The following ARL15 variants were observed in gnomAD, a reference collection of about 807,000 sequenced individuals.
ARL15 encodes the protein ARF like GTPase 15, also known as ADP-ribosylation factor-like protein 15.
In ARL15, 19 loss-of-function variants were observed where a neutral mutation model predicts 25.2. The observed-to-expected ratio is 0.75, with a 90% CI of 0.53 to 1.10. The LOEUF is 1.10. Among genes scored for constraint, ARL15 ranks in the 50% least tolerant of loss-of-function variants. ARL15 has a pLI of 0.00. For missense variants in ARL15, 220 were observed against 246.0 expected (o/e 0.89, Z 0.71); for synonymous variants, 94 against 86.8 (o/e 1.08, Z -0.46).
intron 1 of ARL15, among the ~76,000 whole-genome samples, chr5:54,296,614 C>G (rs1392535645): frequency 1.3e-5 from 2 of 152,248 alleles, no homozygotes; most frequent in Non-Finnish European, 2.9e-5. Flanking sequence ...TGTCCTATAA[C>G]ACAGACAGGA....
At chr5:53,998,608 A>G (rs1252173432) in intron 4 of ARL15, among the ~76,000 whole-genome samples, 1 of 152,234 alleles carries the variant, frequency 6.6e-6, no homozygotes, top group Non-Finnish European at 1.5e-5. Flanking sequence ...GAGATGCAAA[A>G]GAATAAAAGT....
chr5:53,979,829 T>TTGTGTGTGTGTGTGTGTGTGTG (rs70986653), intron 4 of ARL15, among the ~76,000 whole-genome samples: 1 of 143,070 alleles, frequency 7.0e-6, no homozygotes, highest in Non-Finnish European at 1.5e-5. Flanking sequence ...TTAAAGTCTT[T>TTGTGTGTGTGTGTGTGTGTGTG]TGTGTGTGTG....
chr5:54,232,338 A>G (rs1319330809), intron 1 of ARL15, among the ~76,000 whole-genome samples: 3 of 152,186 alleles, frequency 2.0e-5, no homozygotes, highest in Non-Finnish European at 4.4e-5. Context: ...CTATTAATAC[A>G]TAGTGCTCTT....
In ARL15 at chr5:53,902,703, G is replaced by A. The variant is rs182496384; in HGVS notation, c.463-15990C>T. On this transcript the variant is annotated intron_variant, in intron 4 of 4. Coordinates refer to ENST00000504924, the MANE Select transcript of ARL15 (RefSeq NM_019087.3). The stretch of plus-strand genomic sequence containing the variant: ...GAGACAGACAAATATGGCAAGCCAC[G>A]CGTTACTCAGTCACCAATGGAGGGT... 2.2e-3 allele frequency among the ~76,000 whole-genome samples: 333 copies of A among 152,278 alleles called. 2 individuals are homozygous for A. The highest frequency in any genetic ancestry group is 7.7e-3 in the African/African-American group (318 of 41,548).
At chr5:54,174,203 C>T (rs1335383261) in intron 1 of ARL15, among the ~76,000 whole-genome samples, 1 of 152,002 alleles carries the variant, frequency 6.6e-6, no homozygotes, top group Non-Finnish European at 1.5e-5. Flanking sequence ...GAAGAATGAA[C>T]GACACTTAAA....
chr5:54,287,533 G>A (rs74865118), intron 1 of ARL15, among the ~76,000 whole-genome samples: 2 of 151,324 alleles, frequency 1.3e-5, no homozygotes, highest in Middle Eastern at 3.2e-3. Flanking sequence ...CCCATAATGC[G>A]CAAGCATCTG....
chr5:53,889,893 A>G (rs933108463), intron 4 of ARL15, among the ~76,000 whole-genome samples: 3 of 150,570 alleles, frequency 2.0e-5, no homozygotes, highest in African/African-American at 7.3e-5. Context: ...GCTCACTGCA[A>G]CCTCTGCCTC....
intron 4 of ARL15, among the ~76,000 whole-genome samples, chr5:54,097,321 AC>A (rs1285414964): frequency 1.3e-5 from 2 of 151,992 alleles, no homozygotes; most frequent in African/African-American, 4.8e-5. Flanking sequence ...ATCTCAAAAA[AC>A]AAACAAACAA....
chr5:54,072,815 GACTTT>G (rs1329481693), intron 4 of ARL15, among the ~76,000 whole-genome samples: 1 of 152,066 alleles, frequency 6.6e-6, no homozygotes, highest in Non-Finnish European at 1.5e-5. Flanking sequence ...CTTGGTTAGA[GACTTT>G]ACTTTGTTTT....
intron 3 of ARL15, among the ~76,000 whole-genome samples, chr5:54,137,582 A>T (rs1753642045): frequency 6.6e-6 from 1 of 152,208 alleles, no homozygotes; most frequent in African/African-American, 2.4e-5. Context: ...ACACCATGAT[A>T]CAATATATAA....
At chr5:54,144,129 T>G (rs932690000) in intron 3 of ARL15, among the ~76,000 whole-genome samples, 1 of 152,070 alleles carries the variant, frequency 6.6e-6, no homozygotes, top group Non-Finnish European at 1.5e-5. Context: ...TTTATTTTTG[T>G]TTATAATATT....
At chr5:54,000,938 G>A (rs1300226877) in intron 4 of ARL15, among the ~76,000 whole-genome samples, 1 of 152,154 alleles carries the variant, frequency 6.6e-6, no homozygotes, top group Non-Finnish European at 1.5e-5. Flanking sequence ...AAGGGGCCCA[G>A]GCTCAGAAGG....
chr5:53,903,580 C>T (rs1263858570), intron 4 of ARL15, among the ~76,000 whole-genome samples: 1 of 152,184 alleles, frequency 6.6e-6, no homozygotes, highest in East Asian at 1.9e-4. Flanking sequence ...AGGCAAAAGT[C>T]AGAGAACAAA....
intron 2 of ARL15, among the ~76,000 whole-genome samples, chr5:54,162,259 C>G (rs1773534768): frequency 6.6e-6 from 1 of 152,092 alleles, no homozygotes. Context: ...ACACACAGGT[C>G]CAAACACCAA....
intron 4 of ARL15, among the ~76,000 whole-genome samples, chr5:54,041,372 CACA>C (rs1307052980): frequency 6.6e-6 from 1 of 152,286 alleles, no homozygotes; most frequent in African/African-American, 2.4e-5. Flanking sequence ...ACTACATCTG[CACA>C]ACAACTAGGT....
Position 54,280,048 on chromosome 5 carries a change from A to C in ARL15, c.48+30384T>G, listed in dbSNP as rs766961610. Among the ~76,000 whole-genome samples the C allele has an allele frequency of 2.6e-4, 40 of 152,068 alleles. 1 individual carries two copies. The highest frequency in any genetic ancestry group is 1.2e-3 in the Admixed American group (18 of 15,260). ...CACTGCTGTTGTTGCCCAGTGCGAA[A>C]CTCCAGCAACAGGCAACTTTGCTTA... On this transcript the variant is annotated intron_variant, in intron 1 of 4. Transcript: ENST00000504924.
At chr5:54,212,912 C>T (rs1756085547) in intron 1 of ARL15, among the ~76,000 whole-genome samples, 1 of 152,150 alleles carries the variant, frequency 6.6e-6, no homozygotes, top group South Asian at 2.1e-4. Context: ...AACACTTAAC[C>T]TACCCATGCC....
chr5:54,146,552 G>A (rs1007734449), intron 3 of ARL15, among the ~76,000 whole-genome samples: 3 of 152,148 alleles, frequency 2.0e-5, no homozygotes, highest in East Asian at 3.9e-4. Flanking sequence ...AATACACAGT[G>A]AAAATTAGTT....
At chr5:53,910,705 C>G (rs1371614467) in intron 4 of ARL15, among the ~76,000 whole-genome samples, 1 of 136,806 alleles carries the variant, frequency 7.3e-6, no homozygotes, top group African/African-American at 2.8e-5. Flanking sequence ...TATGCTCGAA[C>G]AGCTTTTATT....
Sources: gnomAD v4.1 joint callset for allele counts (sites outside exome capture counted in the v4.1 genomes callset) on GRCh38, gnomAD v4.1.1 for gene constraint, MANE v1.5 for transcripts, NCBI Gene and HGNC (gene_info 2026-07-23, HGNC 2026-07-21) for gene names.